The following RIMBP2 variants were observed in gnomAD, a reference collection of about 807,000 sequenced individuals.
RIMBP2 encodes the protein RIMS binding protein 2.
RIMBP2 carries 48 observed loss-of-function variants against 118.6 expected under a neutral mutation model. The observed-to-expected ratio is 0.40, with a 90% CI of 0.32 to 0.51. The LOEUF is 0.51. Among genes scored for constraint, RIMBP2 ranks in the 20% least tolerant of loss-of-function variants. RIMBP2 has a pLI of 0.41. For missense variants in RIMBP2, 1,551 were observed against 1,768.3 expected, an observed-to-expected ratio of 0.88 and a Z score of 2.20; for synonymous variants, 762 against 742.9, an observed-to-expected ratio of 1.03 and a Z score of -0.42.
chr12:130,479,205 C>A (rs1389020256), intron 4 of RIMBP2, among the ~76,000 whole-genome samples, 189 bp from the exon 5 acceptor site: 1 of 152,242 alleles, frequency 6.6e-6, no homozygotes, highest in Non-Finnish European at 1.5e-5. Context: ...AATGCGGGAG[C>A]TATGACATAA....
At chr12:130,404,981 A>G (rs1158396326) in intron 21 of RIMBP2, among the ~76,000 whole-genome samples, 2 of 152,134 alleles carry the variant, frequency 1.3e-5, no homozygotes, top group Non-Finnish European at 2.9e-5. Flanking sequence ...AGTGCAGATT[A>G]TTTAGTAAAT....
chr12:130,634,487 T>C (rs1337851229), intron 1 of RIMBP2, among the ~76,000 whole-genome samples: 1 of 152,170 alleles, frequency 6.6e-6, no homozygotes, highest in Non-Finnish European at 1.5e-5. Flanking sequence ...AGTCTCTGAC[T>C]GGGGGTCTTT....
chr12:130,567,366 T>C (rs2057293777), intron 2 of RIMBP2, among the ~76,000 whole-genome samples: 1 of 152,216 alleles, frequency 6.6e-6, no homozygotes, highest in African/African-American at 2.4e-5. Context: ...CTGATGCTTA[T>C]TAGTTTGCAT....
chr12:130,523,257 G>C lies in RIMBP2; in HGVS notation c.-216-5340C>G, dbSNP rs552499615. Among the ~76,000 whole-genome samples, 1 of 152,106 alleles carries C rather than the reference G, an allele frequency of 6.6e-6. No homozygotes were observed. On this transcript the variant is annotated intron_variant, in intron 2 of 22. Transcript: ENST00000690449. This position sits in a 1 kb window ranked among gnomAD's most constrained non-coding sequence, Gnocchi z 4.4. ...TCTGTCCCCTACCCACTACCTGGCC[G>C]TGTGAGGACACAGTGAGAAAACAGC... is the stretch of plus-strand genomic sequence containing the variant.
chr12:130,616,310 C>T (rs1373979916), intron 2 of RIMBP2, among the ~76,000 whole-genome samples: 8 of 151,878 alleles, frequency 5.3e-5, no homozygotes, highest in South Asian at 2.1e-4. Flanking sequence ...TCTCTTCCTC[C>T]GCTGTCTTGC....
intron 15 of RIMBP2, chr12:130,425,974 G>A (rs2076761560): frequency 2.0e-5 from 3 of 152,372 alleles, no homozygotes; most frequent in African/African-American, 4.8e-5. Context: ...CTGTGCAGCT[G>A]ATAGCTCTCT....
chr12:130,635,969 C>T (rs376239460), intron 1 of RIMBP2, among the ~76,000 whole-genome samples: 3 of 152,244 alleles, frequency 2.0e-5, no homozygotes, highest in African/African-American at 7.2e-5. Flanking sequence ...CCTCCCCTGC[C>T]AAAGCCCCTC....
intron 4 of RIMBP2, among the ~76,000 whole-genome samples, chr12:130,494,749 C>T (rs777756926): frequency 5.6e-4 from 85 of 152,300 alleles, no homozygotes; most frequent in Middle Eastern, 6.8e-3. Context: ...ACTCAGGACA[C>T]ACCCTCTTCC....
chr12:130,660,779 C>A (rs528864378), intron 1 of RIMBP2: 1 of 152,316 alleles, frequency 6.6e-6, no homozygotes, highest in South Asian at 2.1e-4. Context: ...GCCCCTTGAA[C>A]CCATGTGCAA....
chr12:130,606,559 T>C (rs2060200962), intron 2 of RIMBP2, among the ~76,000 whole-genome samples: 1 of 152,172 alleles, frequency 6.6e-6, no homozygotes, highest in Non-Finnish European at 1.5e-5. Context: ...CAAAAGGTAT[T>C]CTGTGGAGTG....
At chr12:130,418,127 G>A (rs1006059653) in intron 17 of RIMBP2, among the ~76,000 whole-genome samples, 75 of 152,192 alleles carry the variant, frequency 4.9e-4, no homozygotes, top group African/African-American at 1.6e-3. Flanking sequence ...AATAAAACAC[G>A]CAGTCTAACA....
At position 130,414,107 on chromosome 12, in the gene RIMBP2, C is replaced by G. The variant is rs781259171; in HGVS notation, c.3420+18G>C. On this transcript the variant is annotated intron_variant, in intron 18 of 22. Coordinates refer to ENST00000690449, the MANE Select transcript of RIMBP2 (RefSeq NM_001393629.1). The stretch of plus-strand genomic sequence containing the variant: ...CCTCAGGGGCTGATGAAGCCGCCCG[C>G]AGGCAGCCATCCCGCACCTTGATGA... 2 of 1,613,768 alleles carry G rather than the reference C, an allele frequency of 1.2e-6. No homozygotes were observed. Among genetic ancestry groups the G allele is most frequent in the Non-Finnish European group, 1.7e-6 (2 of 1,179,900 alleles).
chr12:130,628,626 G>A (rs967455623), intron 1 of RIMBP2, among the ~76,000 whole-genome samples, 170 bp from the exon 2 acceptor site: 3 of 152,150 alleles, frequency 2.0e-5, no homozygotes, highest in Non-Finnish European at 4.4e-5. Context: ...ATTTGAAACT[G>A]AACTCATGGT....
intron 1 of RIMBP2, among the ~76,000 whole-genome samples, chr12:130,640,402 ATTTC>A (rs1290548742): frequency 8.5e-5 from 13 of 152,290 alleles, no homozygotes; most frequent in Admixed American, 7.2e-4. Context: ...CAGCCCAATT[ATTTC>A]TTTATTTTCA....
chr12:130,586,065 G>A (rs1353479983), intron 2 of RIMBP2, among the ~76,000 whole-genome samples: 1 of 152,312 alleles, frequency 6.6e-6, no homozygotes, highest in East Asian at 1.9e-4. Flanking sequence ...AGTGACCACA[G>A]GCACTTTCTG....
intron 2 of RIMBP2, among the ~76,000 whole-genome samples, chr12:130,605,368 A>C (rs535111049): frequency 6.6e-6 from 1 of 152,260 alleles, no homozygotes; most frequent in East Asian, 1.9e-4. Context: ...TTTCCAACTA[A>C]AAGAGACTAA....
Position 130,399,805 on chromosome 12 carries a change from C to G in RIMBP2, c.3774G>C (p.Leu1258=). The part of the protein sequence containing the change: ...IDEDGFYYGE[L]NGQKGLVPSN... ...AGGGCACAAGGCCTTTCTGCCCATTCAGCTCCCCCTAAAACACCAGGGGTG... is the reference window on the plus strand; with the variant it reads ...AGGGCACAAGGCCTTTCTGCCCATTGAGCTCCCCCTAAAACACCAGGGGTG... Residue 1258 remains leucine, a synonymous_variant, in exon 22 of 23, where the codon CTG becomes CTC. Transcript: ENST00000690449. 1 of 1,614,132 alleles carries G rather than the reference C, an allele frequency of 6.2e-7. No homozygotes were observed. The highest frequency in any genetic ancestry group is 8.5e-7 in the Non-Finnish European group (1 of 1,179,998).
intron 18 of RIMBP2, 24 bp from the exon 19 acceptor site, chr12:130,412,811 T>C (rs1348741810): frequency 5.0e-6 from 8 of 1,599,262 alleles, no homozygotes; most frequent in Non-Finnish European, 6.8e-6. Context: ...GGAAAATAAA[T>C]CAAGCACTGT....
chr12:130,441,333 A>G (rs181758991), intron 11 of RIMBP2, among the ~76,000 whole-genome samples: 4,221 of 151,474 alleles, frequency 0.028, 213 homozygotes, highest in African/African-American at 0.096. Context: ...ATTGGGAGGC[A>G]GAGGTTGCAG....
Sources: allele counts gnomAD v4.1 joint callset (sites outside exome capture counted in the v4.1 genomes callset), GRCh38; gene constraint gnomAD v4.1.1; non-coding constraint Gnocchi (gnomAD v3.1); transcripts MANE v1.5; gene names NCBI Gene and HGNC (gene_info 2026-07-23, HGNC 2026-07-21).